LMF1: variants seen among roughly 807,000 people sequenced by gnomAD.
The protein encoded by LMF1 is transmembrane protein 112.
LMF1 carries 68 observed loss-of-function variants against 60.6 expected under a neutral mutation model. The observed-to-expected ratio is 1.12, with a 90% CI of 0.92 to 1.37. The LOEUF is 1.37. Among genes scored for constraint, LMF1 ranks in the 40% most tolerant of loss-of-function variants. The pLI is 0.00. For synonymous variants in LMF1, 418 were observed against 324.7 expected, an observed-to-expected ratio of 1.29 and a Z score of -3.09; for missense variants, 948 against 767.2, an observed-to-expected ratio of 1.24 and a Z score of -2.78.
intron 2 of LMF1, among the ~76,000 whole-genome samples, chr16:942,902 T>A (rs1442875025): frequency 6.6e-6 from 1 of 152,228 alleles, no homozygotes; most frequent in Non-Finnish European, 1.5e-5. Flanking sequence ...CTCTGCTCGT[T>A]TCAATCTTTT....
chr16:918,585 G>C (rs1358523842), intron 3 of LMF1, among the ~76,000 whole-genome samples: 1 of 152,156 alleles, frequency 6.6e-6, no homozygotes, highest in East Asian at 1.9e-4. Context: ...GCCTCCAAGG[G>C]ACTCATGAGA....
intron 10 of LMF1, among the ~76,000 whole-genome samples, chr16:858,068 A>T (rs1257495058): frequency 1.5e-4 from 13 of 85,276 alleles, no homozygotes; most frequent in African/African-American, 8.2e-4. Context: ...GTGTCTCGGG[A>T]TGGGTGTGAG....
intron 1 of LMF1, among the ~76,000 whole-genome samples, chr16:968,173 C>T (rs1042300739): frequency 2.0e-5 from 3 of 152,216 alleles, no homozygotes; most frequent in Non-Finnish European, 2.9e-5. Context: ...AGCCCCAGGA[C>T]GGATGCAAAG....
chr16:854,487 G>C lies in LMF1; in HGVS notation c.*45C>G, dbSNP rs1438107055. On this transcript the variant is annotated 3_prime_UTR_variant, in exon 11 of 11. Transcript: ENST00000262301. The stretch of plus-strand genomic sequence containing the variant: ...GGCGCAGGGAAGGGCAAACGTTGCT[G>C]AGCCGCCGAGGGGCTGGGTCTTCGC... 2 of 1,563,960 alleles carry C rather than the reference G, an allele frequency of 1.3e-6. No individual in the cohort carries two copies. Among genetic ancestry groups the C allele is most frequent in the East Asian group, 4.6e-5 (2 of 43,130 alleles).
At chr16:914,899 C>T (rs538474240) in intron 3 of LMF1, among the ~76,000 whole-genome samples, 1 of 151,342 alleles carries the variant, frequency 6.6e-6, no homozygotes, top group East Asian at 1.9e-4. Flanking sequence ...TTTCTCTGAA[C>T]TAAATATCCG....
intron 4 of LMF1, among the ~76,000 whole-genome samples, chr16:910,302 C>G (rs922102079): frequency 2.0e-5 from 3 of 152,222 alleles, no homozygotes; most frequent in African/African-American, 7.2e-5. Context: ...GAAGCACGCA[C>G]AGCCCGCCGC....
At chr16:891,407 G>C (rs1197730065) in intron 5 of LMF1, among the ~76,000 whole-genome samples, 1 of 152,194 alleles carries the variant, frequency 6.6e-6, no homozygotes, top group Non-Finnish European at 1.5e-5. Context: ...TTTGTTTGTG[G>C]GGACATGGTG....
At chr16:889,108 T>TTA (rs2070400201) in intron 5 of LMF1, among the ~76,000 whole-genome samples, 1 of 152,134 alleles carries the variant, frequency 6.6e-6, no homozygotes, top group South Asian at 2.1e-4. Context: ...CAGAACTGAG[T>TTA]TAGCTGCAGG....
At position 878,879 on chromosome 16, in the gene LMF1, G is replaced by C. The variant is rs58240320; in HGVS notation, c.897+691C>G. Among the ~76,000 whole-genome samples, 4,159 of 152,302 alleles carry C rather than the reference G, an allele frequency of 0.027. 189 individuals are homozygous for C. The highest frequency in any genetic ancestry group is 0.093 in the African/African-American group (3,883 of 41,530). ...GTTACACCTCCATTGAAACAATCGA[G>C]AGAGAGAACCACCTTTAAAATCCCC... is the stretch of plus-strand genomic sequence containing the variant. On this transcript the variant is annotated intron_variant, in intron 6 of 10. Coordinates refer to ENST00000262301, the MANE Select transcript of LMF1 (RefSeq NM_022773.4). This position sits in a 1 kb window ranked among gnomAD's most constrained non-coding sequence, Gnocchi z 5.2.
rs2072618053 is a variant in LMF1 at position 954,493 on chromosome 16, T to C, written c.367A>G (p.Asn123Asp). ...AGAGCCAGCAAGTCCAGGTTGGAGTTCATGTCTGACCAGTCCATCAGCCAG... is the reference window on the plus strand; with the variant it reads ...AGAGCCAGCAAGTCCAGGTTGGAGTCCATGTCTGACCAGTCCATCAGCCAG... ...ILWLMDWSDM[N>D]SNLDLLALLG... Residue 123 changes from asparagine to aspartate, a missense_variant, in exon 2 of 11, where the codon AAC becomes GAC. Coordinates refer to ENST00000262301, the MANE Select transcript of LMF1 (RefSeq NM_022773.4). 1.2e-6 allele frequency: 2 copies of C among 1,612,750 alleles called. No homozygotes were observed. The highest frequency in any genetic ancestry group is 3.3e-5 in the Admixed American group (2 of 59,828).
intron 1 of LMF1, among the ~76,000 whole-genome samples, chr16:956,338 A>ATT (rs2072704522): frequency 6.6e-6 from 1 of 152,216 alleles, no homozygotes; most frequent in Non-Finnish European, 1.5e-5. Flanking sequence ...AGAACACTGA[A>ATT]TGCTTACCCA....
At position 965,530 on chromosome 16, in the gene LMF1, AG is replaced by A. The variant is rs376354047; in HGVS notation, c.193+5257del. ...AGGCACTGAGACTTTAGAAGCTTCC[AG>A]GGAGAAGAAGAGTCAGATGCTTGAA... On this transcript the variant is annotated intron_variant, in intron 1 of 10. Transcript: ENST00000262301. 2.7e-3 allele frequency among the ~76,000 whole-genome samples: 411 copies of A among 152,370 alleles called. 5 individuals are homozygous for A. Among genetic ancestry groups the A allele is most frequent in the African/African-American group, 9.5e-3 (395 of 41,590 alleles).
Position 951,067 on chromosome 16 carries a change from C to CCAA in LMF1, c.503+3289_503+3290insTTG, listed in dbSNP as rs2072449413. On this transcript the variant is annotated intron_variant, in intron 2 of 10. Coordinates refer to ENST00000262301, the MANE Select transcript of LMF1 (RefSeq NM_022773.4). Reference sequence around the variant, plus strand: ...CAGAGTCAGCCAATGACAGAGTCAGCCGACAGAGTCAGCCAACGACAGAGT... The same window carrying CCAA: ...CAGAGTCAGCCAATGACAGAGTCAGCCAACGACAGAGTCAGCCAACGACAGAGT... Among the ~76,000 whole-genome samples the CCAA allele has an allele frequency of 5.1e-5, 2 of 39,596 alleles. 1 individual carries two copies. Among genetic ancestry groups the CCAA allele is most frequent in the Admixed American group, 6.0e-4 (2 of 3,312 alleles). 26.0% of individuals were successfully genotyped at this position (39,596 alleles called of 152,430 possible).
chr16:887,997 C>G (rs768216452), intron 5 of LMF1, among the ~76,000 whole-genome samples: 24 of 152,202 alleles, frequency 1.6e-4, no homozygotes, highest in Non-Finnish European at 1.8e-4. Flanking sequence ...GTCTGTGGTG[C>G]GTGGCCTGGG....
intron 6 of LMF1, 91 bp from the exon 7 acceptor site, chr16:871,432 A>G: frequency 8.0e-7 from 1 of 1,255,126 alleles, no homozygotes; most frequent in Non-Finnish European, 1.1e-6. Flanking sequence ...GGGAGGGGGG[A>G]GGGAACCTGC....
At position 854,247 on chromosome 16, in the gene LMF1, C is replaced by G. The variant is rs1458561497; in HGVS notation, c.*285G>C. On this transcript the variant is annotated 3_prime_UTR_variant, in exon 11 of 11. Coordinates refer to ENST00000262301, the MANE Select transcript of LMF1 (RefSeq NM_022773.4). ...TCAACTCCTGTGGGCGGCACAGCCCCAGGCTGGGCCTCTGGGAGGAGGGTG... is the reference window on the plus strand; with the variant it reads ...TCAACTCCTGTGGGCGGCACAGCCCGAGGCTGGGCCTCTGGGAGGAGGGTG... The G allele has an allele frequency of 1.6e-6, 1 of 635,936 alleles. No homozygotes were observed. Among genetic ancestry groups the G allele is most frequent in the Admixed American group, 2.1e-5 (1 of 47,696 alleles). 39.4% of individuals were successfully genotyped at this position (635,936 alleles called of 1,614,324 possible). A position where few individuals can be genotyped will look rare whatever the true frequency, so the allele number is the denominator to read the frequency against.
At chr16:863,635 A>G (rs1479598571) in intron 10 of LMF1, among the ~76,000 whole-genome samples, 1 of 151,998 alleles carries the variant, frequency 6.6e-6, no homozygotes, top group Non-Finnish European at 1.5e-5. Flanking sequence ...TTTCCTAGTT[A>G]TTCATGTGAT....
chr16:898,196 G>C (rs1200004926), intron 4 of LMF1, among the ~76,000 whole-genome samples: 2 of 152,242 alleles, frequency 1.3e-5, no homozygotes, highest in Non-Finnish European at 2.9e-5. Context: ...CACTGGCTGG[G>C]CTCTAACTTG....
At chr16:944,225 A>C (rs2072181104) in intron 2 of LMF1, among the ~76,000 whole-genome samples, 1 of 151,884 alleles carries the variant, frequency 6.6e-6, no homozygotes. Context: ...ACTCACCACT[A>C]AGGTCACCAC....
Sources: allele counts gnomAD v4.1 joint callset (sites outside exome capture counted in the v4.1 genomes callset), GRCh38; gene constraint gnomAD v4.1.1; non-coding constraint Gnocchi (gnomAD v3.1); transcripts MANE v1.5; gene names NCBI Gene and HGNC (gene_info 2026-07-23, HGNC 2026-07-21).